Variants in SPATA7 observed in about 807,000 individuals in gnomAD.
SPATA7 encodes spermatogenesis-associated protein 7.
Under a neutral mutation model 51.8 loss-of-function variants are expected in SPATA7, and 43 were observed. The ratio of observed to expected loss-of-function variants is 0.83; its 90% CI spans 0.65 to 1.07. The LOEUF is 1.07. Among genes scored for constraint, SPATA7 ranks in the 50% least tolerant of loss-of-function variants. The pLI is 0.00. For missense variants in SPATA7, 683 were observed against 701.3 expected (o/e 0.97, Z 0.30); for synonymous variants, 230 against 252.8 (o/e 0.91, Z 0.86).
Position 88,402,782 on chromosome 14 carries a change from C to A in SPATA7, c.238+6579C>A, listed in dbSNP as rs546145067. 4.6e-5 allele frequency among the ~76,000 whole-genome samples: 7 copies of A among 151,934 alleles called. No individual in the cohort carries two copies. The South Asian group carries it at 1.5e-3, about 32-fold the overall frequency. ...TTTGGATATGACTCTGAAAGCCAGG[C>A]AACAAAAGCAAAAATAGACAAGTGG... On this transcript the variant is annotated intron_variant, in intron 4 of 11. Transcript: ENST00000393545.
chr14:88,404,454 C>T (rs370930403), intron 4 of SPATA7, among the ~76,000 whole-genome samples: 25 of 152,148 alleles, frequency 1.6e-4, no homozygotes, highest in Non-Finnish European at 2.9e-4. Context: ...TTGTGGCTCA[C>T]GCCTGTAATC....
At chr14:88,397,911 G>A (rs1351426019) in intron 4 of SPATA7, among the ~76,000 whole-genome samples, 3 of 151,998 alleles carry the variant, frequency 2.0e-5, no homozygotes, top group Admixed American at 6.5e-5. Context: ...GTGAAACCCC[G>A]TCTCTACTAA....
chr14:88,416,611 C>A, intron 4 of SPATA7, 100 bp from the exon 5 acceptor site: 1 of 1,134,564 alleles, frequency 8.8e-7, no homozygotes, highest in Non-Finnish European at 1.3e-6. Flanking sequence ...CATATCATAA[C>A]ATTTTAACAA....
In SPATA7 at chr14:88,393,496, T is replaced by C; in HGVS notation, c.190+8T>C. On this transcript the variant is annotated splice_region_variant and intron_variant, in intron 3 of 11. Coordinates refer to ENST00000393545, the MANE Select transcript of SPATA7 (RefSeq NM_018418.5). The stretch of plus-strand genomic sequence containing the variant: ...AAATCCTTTCAGCCAAAGGTAAAAA[T>C]GTGCAAATGTGAACTCTCTGTACTC... The C allele has an allele frequency of 6.3e-7, 1 of 1,576,292 alleles. No individual in the cohort carries two copies. Among genetic ancestry groups the C allele is most frequent in the Non-Finnish European group, 8.7e-7 (1 of 1,153,294 alleles).
intron 3 of SPATA7, among the ~76,000 whole-genome samples, chr14:88,448,651 A>G (rs1243886356): frequency 6.6e-6 from 1 of 152,110 alleles, no homozygotes; most frequent in Non-Finnish European, 1.5e-5. Flanking sequence ...GGTGATGTAC[A>G]GATGTGTTTT....
At chr14:88,410,674 G>A (rs966062852) in intron 4 of SPATA7, 1 of 153,228 alleles carries the variant, frequency 6.5e-6, no homozygotes, top group Non-Finnish European at 1.5e-5. Flanking sequence ...GTCTGCCGTA[G>A]TTTGCTGGAG....
At chr14:88,402,677 A>G (rs924320228) in intron 4 of SPATA7, among the ~76,000 whole-genome samples, 1 of 152,164 alleles carries the variant, frequency 6.6e-6, no homozygotes, top group African/African-American at 2.4e-5. Flanking sequence ...AAAAACTTAA[A>G]TATAAGGTCC....
chr14:88,451,667 G>A (rs2140049807), intron 3 of SPATA7, among the ~76,000 whole-genome samples: 1 of 151,576 alleles, frequency 6.6e-6, no homozygotes, highest in African/African-American at 2.4e-5. Context: ...TGGGATTATA[G>A]GCGCCCACCA....
chr14:88,469,328 TAATTTATAAACCTCGTTAACCCTCCCCA>T lies in SPATA7; in HGVS notation c.255-516_255-489del, dbSNP rs1439909067. Among the ~76,000 whole-genome samples, 4 of 152,148 alleles carry T rather than the reference TAATTTATAAACCTCGTTAACCCTCCCCA, an allele frequency of 2.6e-5. No individual in the cohort carries two copies. Among genetic ancestry groups the T allele is most frequent in the African/African-American group, 9.7e-5 (4 of 41,424 alleles). ...TGGCATTCTACTCACTACCAAATCA[TAATTTATAAACCTCGTTAACCCTCCCCA>T]AAACACTTGTATTCTTTATGTTAAA... On this transcript the variant is annotated intron_variant, in intron 4 of 4. Coordinates refer to the SPATA7 transcript ENST00000556406. The surrounding 1 kb of genome is among the most constrained non-coding windows in gnomAD (Gnocchi z 4.3).
At chr14:88,387,526 T>C (rs1422953010) in intron 1 of SPATA7, among the ~76,000 whole-genome samples, 1 of 152,124 alleles carries the variant, frequency 6.6e-6, no homozygotes, top group Non-Finnish European at 1.5e-5. Flanking sequence ...TAGATTTCAT[T>C]AGGAGGTGCT....
chr14:88,462,991 T>G (rs1344718290), intron 4 of SPATA7, among the ~76,000 whole-genome samples: 2 of 152,220 alleles, frequency 1.3e-5, no homozygotes, highest in East Asian at 3.8e-4. Flanking sequence ...TTTAGATTTT[T>G]GAAAATTAAG....
At chr14:88,465,607 TCTACG>T (rs2077352912) in intron 4 of SPATA7, among the ~76,000 whole-genome samples, 1 of 152,234 alleles carries the variant, frequency 6.6e-6, no homozygotes, top group South Asian at 2.1e-4. Flanking sequence ...GGTTTATAAC[TCTACG>T]TTTTGTGGAA....
chr14:88,428,387 A>G (rs1759286641), intron 7 of SPATA7: 1 of 152,126 alleles, frequency 6.6e-6, no homozygotes, highest in African/African-American at 2.4e-5. Context: ...ATCATACTCA[A>G]CTTCCCCCTT....
chr14:88,398,611 C>G (rs1284660550), intron 4 of SPATA7, among the ~76,000 whole-genome samples: 3 of 142,480 alleles, frequency 2.1e-5, no homozygotes, highest in African/African-American at 7.8e-5. Context: ...CACATGTACC[C>G]TAAAACTTAA....
intron 8 of SPATA7, among the ~76,000 whole-genome samples, chr14:88,430,815 G>GT (rs1374688963): frequency 6.6e-6 from 1 of 152,136 alleles, no homozygotes; most frequent in Non-Finnish European, 1.5e-5. Flanking sequence ...GCCTGACTGG[G>GT]TTGTTTAGAA....
At chr14:88,446,471 GTC>G (rs2077213616) in intron 3 of SPATA7, among the ~76,000 whole-genome samples, 1 of 151,892 alleles carries the variant, frequency 6.6e-6, no homozygotes, top group Non-Finnish European at 1.5e-5. Context: ...GGTTTTTTGT[GTC>G]TCTATTTCCT....
intron 5 of SPATA7, among the ~76,000 whole-genome samples, chr14:88,421,121 A>T (rs79469840): frequency 0.035 from 5,398 of 152,230 alleles, 305 homozygotes; most frequent in African/African-American, 0.12. Flanking sequence ...TCAAAAAAAA[A>T]AATAATTAAT....
At chr14:88,470,013 G>A (rs747527515) in exon 5 of SPATA7, 2 of 1,613,322 alleles carry the variant, frequency 1.2e-6, no homozygotes, top group Non-Finnish European at 1.7e-6. Context: ...TGGTCCCTGT[G>A]TGGCAATATA....
intron 4 of SPATA7, chr14:88,416,023 C>G (rs1203744155): frequency 6.6e-6 from 1 of 152,364 alleles, no homozygotes; most frequent in Non-Finnish European, 1.5e-5. Flanking sequence ...ATATGAAATG[C>G]ACATTCCCTC....
Sources: gnomAD v4.1 joint callset for allele counts (sites outside exome capture counted in the v4.1 genomes callset) on GRCh38, gnomAD v4.1.1 for gene constraint, Gnocchi (gnomAD v3.1) non-coding constraint, MANE v1.5 for transcripts, NCBI Gene and HGNC (gene_info 2026-07-23, HGNC 2026-07-21) for gene names.